COL4A5: variants seen among roughly 807,000 people sequenced by gnomAD.
COL4A5 encodes the protein collagen type IV alpha 5 chain.
In COL4A5, 26 loss-of-function variants were observed where a neutral mutation model predicts 130.2. That is an observed-to-expected ratio of 0.20 (90% CI 0.15 to 0.28). The LOEUF (loss-of-function observed/expected upper bound fraction) is 0.28, where lower values mean the gene tolerates loss of function less well. COL4A5 is among the 10% of genes least tolerant of loss of function. COL4A5 has a pLI of 1.00. For missense variants in COL4A5, 1,131 were observed against 1,344.3 expected (o/e 0.84, Z 2.48); for synonymous variants, 496 against 439.6 (o/e 1.13, Z -1.60).
At chrX:108,499,067 T>C (rs1481685515) in intron 1 of COL4A5, among the ~76,000 whole-genome samples, 1 of 111,383 alleles carries the variant, frequency 9.0e-6, no homozygotes, top group Non-Finnish European at 1.9e-5. Flanking sequence ...TTTTTGTCTG[T>C]TTCCCAAGCA....
At chrX:108,536,736 T>C (rs2065463636) in intron 1 of COL4A5, among the ~76,000 whole-genome samples, 1 of 111,529 alleles carries the variant, frequency 9.0e-6, no homozygotes, top group Non-Finnish European at 1.9e-5. Flanking sequence ...AATTATTGAC[T>C]ATACCACTCA....
chrX:108,666,509 T>C lies in COL4A5; in HGVS notation c.3468T>C (p.His1156=), dbSNP rs769984503. Residue 1156 remains histidine, a synonymous_variant, in exon 39 of 53, where the codon CAT becomes CAC. Transcript: ENST00000328300. The part of the protein sequence containing the change: ...GEPGPVGGGG[H]PGQPGPPGEK... ...TCAATTTTTTAGGTGGTGGAGGTCA[T>C]CCTGGGCAACCAGGGCCTCCAGGCG... The C allele has an allele frequency of 2.7e-5, 32 of 1,204,970 alleles. No individual in the cohort carries two copies. The South Asian group carries it at 4.8e-4, about 18-fold the overall frequency.
intron 1 of COL4A5, among the ~76,000 whole-genome samples, chrX:108,512,816 A>T (rs1603260909): frequency 8.9e-6 from 1 of 111,745 alleles, no homozygotes; most frequent in East Asian, 2.8e-4. Flanking sequence ...CATTGATAAC[A>T]TCTTATCAGG....
intron 1 of COL4A5, among the ~76,000 whole-genome samples, chrX:108,443,458 C>T (rs1455569723): frequency 9.0e-5 from 10 of 111,714 alleles, no homozygotes; most frequent in East Asian, 2.8e-4. Flanking sequence ...GTGAAACAAC[C>T]GGGTATGTGT....
intron 2 of COL4A5, among the ~76,000 whole-genome samples, chrX:108,557,689 C>T (rs16985521): frequency 0.1 from 11,485 of 110,422 alleles, 1,293 homozygotes; most frequent in African/African-American, 0.34. Flanking sequence ...TGTGCTGTAC[C>T]TTAACCTCTA....
chrX:108,493,984 T>C (rs1274727624), intron 1 of COL4A5, among the ~76,000 whole-genome samples: 1 of 111,722 alleles, frequency 9.0e-6, no homozygotes, highest in East Asian at 2.8e-4. Context: ...TAACTTTGTT[T>C]ATTTTGATAT....
At chrX:108,690,003 A>G (rs1368155607) in intron 49 of COL4A5, 15 of 751,592 alleles carry the variant, frequency 2.0e-5, no homozygotes, top group Non-Finnish European at 2.0e-5. Context: ...CCTTTTATTT[A>G]CCTTTCTTTT....
At position 108,677,528 on chromosome X, in the gene COL4A5, T is replaced by C. The variant is rs760758840; in HGVS notation, c.3837T>C (p.Gly1279=). The C allele has an allele frequency of 1.7e-6, 2 of 1,205,972 alleles. No individual in the cohort carries two copies. Among genetic ancestry groups the C allele is most frequent in the Non-Finnish European group, 2.2e-6 (2 of 891,908 alleles). Residue 1279 remains glycine (G), a synonymous_variant, in exon 44 of 53, where the codon GGT becomes GGC. Transcript: ENST00000328300. ...TACCAGGTCCAGAAGGTCCTCCAGGTCTCCCTGGAAATGGAGGTATTAAAG... is the reference window on the plus strand; with the variant it reads ...TACCAGGTCCAGAAGGTCCTCCAGGCCTCCCTGGAAATGGAGGTATTAAAG... The part of the protein sequence containing the change: ...QGLPGPEGPP[G]LPGNGGIKGE...
intron 1 of COL4A5, among the ~76,000 whole-genome samples, chrX:108,530,582 G>A (rs1426892166): frequency 9.9e-6 from 1 of 100,687 alleles, no homozygotes; most frequent in South Asian, 5.0e-4. Flanking sequence ...AGACATTTAT[G>A]CAGCCAAAAA....
chrX:108,548,544 A>T (rs2065701892), intron 2 of COL4A5, among the ~76,000 whole-genome samples: 1 of 111,540 alleles, frequency 9.0e-6, no homozygotes, highest in East Asian at 2.8e-4. Context: ...AGGGAAGCAA[A>T]AAGAAGAATA....
In COL4A5 at chrX:108,626,259, A is replaced by G; in HGVS notation, c.3156A>G (p.Gln1052=). The G allele has an allele frequency of 8.3e-7, 1 of 1,210,380 alleles. No homozygotes were observed. Among genetic ancestry groups the G allele is most frequent in the Non-Finnish European group, 1.1e-6 (1 of 894,510 alleles). The part of the protein sequence containing the change: ...GPPGPSGVPG[Q]PGSPGLPGQK... ...CTGGACCTTCTGGAGTTCCTGGACAACCTGGCTCCCCAGGATTACCTGGAC... is the reference window on the plus strand; with the variant it reads ...CTGGACCTTCTGGAGTTCCTGGACAGCCTGGCTCCCCAGGATTACCTGGAC... The change falls in exon 36 of 53, where the codon CAA becomes CAG. Residue 1052 remains glutamine (Q), a synonymous_variant. Transcript: ENST00000328300.
intron 1 of COL4A5, among the ~76,000 whole-genome samples, chrX:108,443,506 T>C (rs1042924350): frequency 8.9e-6 from 1 of 111,889 alleles, no homozygotes; most frequent in African/African-American, 3.2e-5. Context: ...CTTAATTTAG[T>C]TTTGTTCTTT....
chrX:108,452,664 T>C (rs373774663), intron 1 of COL4A5, among the ~76,000 whole-genome samples: 3 of 112,117 alleles, frequency 2.7e-5, no homozygotes, highest in Non-Finnish European at 3.8e-5. Context: ...ATGATTTTTG[T>C]ACATTGATTT....
intron 1 of COL4A5, among the ~76,000 whole-genome samples, chrX:108,528,971 G>A (rs1280217042): frequency 9.0e-6 from 1 of 111,615 alleles, no homozygotes; most frequent in East Asian, 2.8e-4. Context: ...GTGATCCCTA[G>A]GTAGATATAA....
chrX:108,478,203 A>G (rs1406299445), intron 1 of COL4A5, among the ~76,000 whole-genome samples: 1 of 111,643 alleles, frequency 9.0e-6, no homozygotes, highest in African/African-American at 3.3e-5. Flanking sequence ...CCAACACTGT[A>G]ACTCCCTTCT....
At chrX:108,617,605 A>C (rs1428133547) in intron 30 of COL4A5, among the ~76,000 whole-genome samples, 3 of 112,147 alleles carry the variant, frequency 2.7e-5, no homozygotes, top group Non-Finnish European at 5.6e-5. Context: ...ACTAGAAACA[A>C]AATATTTTTC....
At chrX:108,680,617 C>T (rs1451612281) in intron 44 of COL4A5, 62 bp from the exon 45 acceptor site, 29 of 952,970 alleles carry the variant, frequency 3.0e-5, no homozygotes, top group Non-Finnish European at 4.2e-5. Flanking sequence ...TTCTTATGCC[C>T]TCAATCACCT....
chrX:108,661,128 T>A (rs2067950516), intron 37 of COL4A5, among the ~76,000 whole-genome samples: 1 of 111,944 alleles, frequency 8.9e-6, no homozygotes, highest in Non-Finnish European at 1.9e-5. Flanking sequence ...TTTGTGTAAA[T>A]ACACTTTATA....
chrX:108,616,797 G>A (rs745573018), intron 30 of COL4A5, among the ~76,000 whole-genome samples: 1 of 109,791 alleles, frequency 9.1e-6, no homozygotes, highest in East Asian at 2.8e-4. Context: ...TTCTCCCTCT[G>A]TTATATGATA....
Sources: gnomAD v4.1 joint callset for allele counts (sites outside exome capture counted in the v4.1 genomes callset) on GRCh38, gnomAD v4.1.1 for gene constraint, MANE v1.5 for transcripts, NCBI Gene and HGNC (gene_info 2026-07-23, HGNC 2026-07-21) for gene names.